SYNE1: variants seen among roughly 807,000 people sequenced by gnomAD.
The protein encoded by SYNE1 is spectrin repeat containing nuclear envelope protein 1, also known as nesprin-1.
In SYNE1, 616 loss-of-function variants were observed where a neutral mutation model predicts 1,111.0. The ratio of observed to expected loss-of-function variants is 0.55; its 90% confidence interval spans 0.52 to 0.59. The LOEUF (loss-of-function observed/expected upper bound fraction) is 0.59, where lower values mean the gene tolerates loss of function less well. SYNE1 is among the 20% of genes least tolerant of loss of function. SYNE1 has a pLI of 0.00. For missense variants in SYNE1, 10,006 were observed against 10,417.0 expected, an observed-to-expected ratio of 0.96 and a Z score of 1.72; for synonymous variants, 3,855 against 3,825.8, an observed-to-expected ratio of 1.01 and a Z score of -0.28.
chr6:152,252,628 G>C (rs1279134213), intron 104 of SYNE1, among the ~76,000 whole-genome samples: 1 of 152,158 alleles, frequency 6.6e-6, no homozygotes, highest in Non-Finnish European at 1.5e-5. Context: ...TAACTGCTGA[G>C]GACTGACAGC....
At position 152,413,407 on chromosome 6, in the gene SYNE1, C is replaced by G. The variant is rs1386409176; in HGVS notation, c.6175G>C (p.Glu2059Gln). 6.2e-7 allele frequency: 1 copy of G among 1,614,006 alleles called. No homozygotes were observed. The highest frequency in any genetic ancestry group is 8.5e-7 in the Non-Finnish European group (1 of 1,180,018). Residue 2059 changes from glutamate (E) to glutamine (Q), a missense_variant, in exon 42 of 146, where the codon GAG becomes CAG. By Grantham distance (29) the Glu-to-Gln change is conservative. Around this residue, in one of 7 missense-constraint regions of SYNE1, gnomAD observed 4,955 missense variants for 5,017.2 expected, o/e 0.99. Transcript: ENST00000367255. ...DVAFAPEVDR[E>Q]INRLEVTWDD... Reference sequence around the variant, plus strand: ...CAGGTGACCTCTAAGCGGTTTATCTCCCTGTCAACTTCAGGTGCAAAAGCT... The same window carrying G: ...CAGGTGACCTCTAAGCGGTTTATCTGCCTGTCAACTTCAGGTGCAAAAGCT...
At chr6:152,363,686 T>C (rs2096991664) in intron 63 of SYNE1, 2 of 453,848 alleles carry the variant, frequency 4.4e-6, no homozygotes, top group Admixed American at 2.4e-5. Flanking sequence ...GGACTTCTAA[T>C]TGCTCCTAGA....
At chr6:152,212,120 T>C (rs1433157900) in intron 123 of SYNE1, among the ~76,000 whole-genome samples, 1 of 152,186 alleles carries the variant, frequency 6.6e-6, no homozygotes, top group African/African-American at 2.4e-5. Context: ...TAAACAACTT[T>C]ATTGAGTAAC....
chr6:152,363,292 A>T (rs1248727777), intron 63 of SYNE1, among the ~76,000 whole-genome samples: 1 of 147,670 alleles, frequency 6.8e-6, no homozygotes, highest in Admixed American at 6.7e-5. Flanking sequence ...CAGGAGATCA[A>T]GGCCATCCTG....
chr6:152,211,381 T>C, intron 124 of SYNE1, 113 bp downstream of exon 124: 1 of 848,852 alleles, frequency 1.2e-6, no homozygotes, highest in Middle Eastern at 2.2e-4. Context: ...GAGGCCCCAC[T>C]ACAGTTCAAT....
intron 99 of SYNE1, 96 bp from the exon 100 acceptor site, chr6:152,268,261 G>A: frequency 1.0e-6 from 1 of 968,858 alleles, no homozygotes; most frequent in East Asian, 2.4e-5. Flanking sequence ...GAGAACTTCG[G>A]TAGTGAGCTT....
At chr6:152,314,375 C>T (rs1313081282) in intron 87 of SYNE1, among the ~76,000 whole-genome samples, 1 of 152,158 alleles carries the variant, frequency 6.6e-6, no homozygotes, top group Admixed American at 6.5e-5. Context: ...TATCTAAACA[C>T]ATTCCACAAG....
intron 128 of SYNE1, among the ~76,000 whole-genome samples, chr6:152,188,957 C>CAAAAAA (rs1159424311): frequency 5.1e-4 from 25 of 49,082 alleles, no homozygotes; most frequent in East Asian, 9.6e-4. Context: ...GACTCTGTCT[C>CAAAAAA]AAAAAAAAAA....
rs200370595 is a variant in SYNE1 at position 152,436,030 on chromosome 6, C to T, written c.4221G>A (p.Pro1407=). 5.6e-6 allele frequency: 9 copies of T among 1,614,094 alleles called. No homozygotes were observed. The highest frequency in any genetic ancestry group is 2.7e-5 in the African/African-American group (2 of 75,010). Residue 1407 remains proline (P), a synonymous_variant, in exon 33 of 146, where the codon CCG becomes CCA. Transcript: ENST00000367255. ...GCAGCTGCTTATTTTGGGGCCCAAG[C>T]GGTATCTCTGAAGCTTCCTTTACAA... is the stretch of plus-strand genomic sequence containing the variant. ...ENLVKEASEI[P]LGPQNKQLLQ...
intron 3 of SYNE1, among the ~76,000 whole-genome samples, chr6:152,612,326 T>C (rs1472845238): frequency 6.6e-6 from 1 of 151,992 alleles, no homozygotes; most frequent in South Asian, 2.1e-4. Flanking sequence ...TCACCACAGA[T>C]CCCACAGAAA....
intron 126 of SYNE1, among the ~76,000 whole-genome samples, chr6:152,203,846 C>A (rs563602741): frequency 1.2e-4 from 18 of 151,950 alleles, no homozygotes; most frequent in African/African-American, 4.4e-4. Context: ...AAAAAAAATT[C>A]TTAAAAAACA....
chr6:152,399,471 A>G (rs973983374), intron 48 of SYNE1, 145 bp downstream of exon 48: 1 of 979,416 alleles, frequency 1.0e-6, no homozygotes, highest in Non-Finnish European at 1.6e-6. Flanking sequence ...CAGCACTTCT[A>G]TTGCTCAAAT....
At chr6:152,199,040 C>T (rs2074831962) in intron 127 of SYNE1, among the ~76,000 whole-genome samples, 1 of 148,600 alleles carries the variant, frequency 6.7e-6, no homozygotes, top group African/African-American at 2.5e-5. Context: ...CTGTGAAACA[C>T]ACTAAAACAA....
chr6:152,400,702 T>C (rs773894175), intron 47 of SYNE1, among the ~76,000 whole-genome samples: 13 of 152,066 alleles, frequency 8.5e-5, no homozygotes, highest in African/African-American at 1.4e-4. Context: ...GGAAATAGAA[T>C]GTTTTCTCAA....
chr6:152,615,150 A>C (rs1583468403), intron 3 of SYNE1, among the ~76,000 whole-genome samples: 1 of 152,330 alleles, frequency 6.6e-6, no homozygotes, highest in East Asian at 1.9e-4. Flanking sequence ...CATCAAAATT[A>C]TGAAATTGTA....
intron 128 of SYNE1, among the ~76,000 whole-genome samples, chr6:152,188,980 A>C (rs1350562311): frequency 5.9e-5 from 2 of 33,898 alleles, no homozygotes; most frequent in African/African-American, 2.9e-4. Flanking sequence ...AAAAAAAAAA[A>C]AAAAATATAT....
chr6:152,399,598 AG>A lies in SYNE1; in HGVS notation c.7237+17del, dbSNP rs759626579. On this transcript the variant is annotated intron_variant, in intron 48 of 145. Coordinates refer to ENST00000367255, the MANE Select transcript of SYNE1 (RefSeq NM_182961.4). ...TCTCGGAAACAAACTACTCATGCTA[AG>A]GCCCCTCAGAACTCACCACTGAAGT... The A allele has an allele frequency of 1.5e-5, 24 of 1,613,734 alleles. No homozygotes were observed. In the African/African-American group the frequency reaches 2.8e-4, roughly 19 times the overall value.
At chr6:152,405,231 CTGTGAGTAACTGAACCTGGTCA>C (rs1592021310) in intron 45 of SYNE1, among the ~76,000 whole-genome samples, 2 of 152,330 alleles carry the variant, frequency 1.3e-5, no homozygotes, top group East Asian at 3.9e-4. Flanking sequence ...GAACCCATCT[CTGTGAGTAACTGAACCTGGTCA>C]TATCTAATGT....
chr6:152,313,392 A>G (rs1224668753), intron 87 of SYNE1, among the ~76,000 whole-genome samples: 1 of 151,092 alleles, frequency 6.6e-6, no homozygotes, highest in Non-Finnish European at 1.5e-5. Context: ...CCCAGCCCCT[A>G]TTCAGGCCCC....
Sources: allele counts gnomAD v4.1 joint callset (sites outside exome capture counted in the v4.1 genomes callset), GRCh38; gene constraint gnomAD v4.1.1; regional missense constraint gnomAD v4.1.1; transcripts MANE v1.5; gene names NCBI Gene and HGNC (gene_info 2026-07-23, HGNC 2026-07-21).